TNNI3K: variants seen among roughly 807,000 people sequenced by gnomAD.
The protein encoded by TNNI3K is serine/threonine-protein kinase TNNI3K.
Under a neutral mutation model 114.5 loss-of-function variants are expected in TNNI3K, and 140 were observed. That is an observed-to-expected ratio of 1.22 (90% confidence interval 1.07 to 1.41). TNNI3K has a LOEUF of 1.41. Ranked by LOEUF, TNNI3K falls within the 40% of genes most tolerant of loss-of-function variation. The pLI is 0.00. For synonymous variants in TNNI3K, 347 were observed against 347.5 expected (o/e 1.00, Z 0.02); for missense variants, 1,125 against 1,007.6 (o/e 1.12, Z -1.58).
chr1:74,484,221 A>T (rs1668641989), intron 21 of TNNI3K, among the ~76,000 whole-genome samples: 2 of 151,600 alleles, frequency 1.3e-5, no homozygotes, highest in South Asian at 4.2e-4. Flanking sequence ...TTAAAAAAAA[A>T]AAAACAAGGA....
intron 5 of TNNI3K, among the ~76,000 whole-genome samples, chr1:74,299,918 AATAC>A (rs1169765437): frequency 6.6e-6 from 1 of 152,204 alleles, no homozygotes; most frequent in African/African-American, 2.4e-5. Flanking sequence ...CATATCAACA[AATAC>A]ATACTGTTAA....
chr1:74,345,216 T>C (rs1261775729), intron 9 of TNNI3K, among the ~76,000 whole-genome samples: 1 of 152,130 alleles, frequency 6.6e-6, no homozygotes, highest in African/African-American at 2.4e-5. Context: ...AATGATGATA[T>C]GATATATTGC....
At chr1:74,393,586 G>C (rs1663911148) in intron 17 of TNNI3K, among the ~76,000 whole-genome samples, 1 of 152,124 alleles carries the variant, frequency 6.6e-6, no homozygotes, top group Non-Finnish European at 1.5e-5. Flanking sequence ...CAAAAAATAA[G>C]GTGGATCAAG....
At position 74,277,797 on chromosome 1, in the gene TNNI3K, A is replaced by G. The variant is rs951417668; in HGVS notation, c.444+6089A>G. ...TGTGGAGTGGTTTTCTTATTACAGAAAAGTGTACTTTCATATACACCTTGT... is the reference window on the plus strand; with the variant it reads ...TGTGGAGTGGTTTTCTTATTACAGAGAAGTGTACTTTCATATACACCTTGT... On this transcript the variant is annotated intron_variant, in intron 5 of 24. Coordinates refer to ENST00000326637, the MANE Select transcript of TNNI3K (RefSeq NM_015978.3). 2.6e-5 allele frequency among the ~76,000 whole-genome samples: 4 copies of G among 152,190 alleles called. No individual in the cohort carries two copies. In the South Asian group the frequency reaches 8.3e-4, roughly 32 times the overall value.
At chr1:74,332,277 C>T (rs189431405) in intron 6 of TNNI3K, among the ~76,000 whole-genome samples, 2 of 151,800 alleles carry the variant, frequency 1.3e-5, no homozygotes, top group East Asian at 3.9e-4. Flanking sequence ...TTTCCACAAC[C>T]CTGAAATTGG....
At chr1:74,522,504 T>A (rs1489191696) in intron 23 of TNNI3K, among the ~76,000 whole-genome samples, 1 of 152,008 alleles carries the variant, frequency 6.6e-6, no homozygotes, top group Admixed American at 6.6e-5. Context: ...TGACTAATTC[T>A]CCCCACGCAG....
At position 74,369,380 on chromosome 1, in the gene TNNI3K, G is replaced by A; in HGVS notation, c.1473-11G>A. On this transcript the variant is annotated splice_polypyrimidine_tract_variant and intron_variant, in intron 15 of 24. Coordinates refer to ENST00000326637, the MANE Select transcript of TNNI3K (RefSeq NM_015978.3). ...TGTTTACTGAAGATTTTCTGTTGCTGCCATTTCCAGTTATCGAGCCAATAC... is the reference window on the plus strand; with the variant it reads ...TGTTTACTGAAGATTTTCTGTTGCTACCATTTCCAGTTATCGAGCCAATAC... The A allele has an allele frequency of 6.2e-7, 1 of 1,606,478 alleles. No individual in the cohort carries two copies. Among genetic ancestry groups the A allele is most frequent in the Non-Finnish European group, 8.5e-7 (1 of 1,176,336 alleles).
At chr1:74,473,739 G>C (rs113641585) in intron 21 of TNNI3K, among the ~76,000 whole-genome samples, 1 of 152,018 alleles carries the variant, frequency 6.6e-6, no homozygotes, top group Non-Finnish European at 1.5e-5. Context: ...CTGCTTGTTC[G>C]CTGTGTATTG....
chr1:74,291,238 C>T (rs1263854773), intron 5 of TNNI3K, among the ~76,000 whole-genome samples: 1 of 151,450 alleles, frequency 6.6e-6, no homozygotes, highest in Non-Finnish European at 1.5e-5. Flanking sequence ...GAATATGTAT[C>T]TCTGTATAAA....
intron 21 of TNNI3K, chr1:74,469,981 A>G (rs866105500): frequency 5.0e-6 from 2 of 400,578 alleles, no homozygotes; most frequent in African/African-American, 4.1e-5. Flanking sequence ...GCTAGGAACT[A>G]AAAACACCTC....
At chr1:74,378,622 A>G (rs1444072658) in intron 17 of TNNI3K, 1 of 78,922 alleles carries the variant, frequency 1.3e-5, no homozygotes, top group African/African-American at 5.3e-5. Context: ...ATATATATAT[A>G]TATATATATA....
chr1:74,277,888 A>C (rs1455378727), intron 5 of TNNI3K, among the ~76,000 whole-genome samples: 2 of 152,200 alleles, frequency 1.3e-5, no homozygotes, highest in Non-Finnish European at 2.9e-5. Flanking sequence ...TCAAATTGTA[A>C]ACACTTATTC....
At chr1:74,428,467 A>G (rs1404430465) in intron 17 of TNNI3K, among the ~76,000 whole-genome samples, 2 of 152,140 alleles carry the variant, frequency 1.3e-5, no homozygotes, top group Non-Finnish European at 2.9e-5. Context: ...TTAATGGGGA[A>G]GTCTACATTT....
At chr1:74,303,278 C>T (rs1035737220) in intron 5 of TNNI3K, among the ~76,000 whole-genome samples, 3 of 152,110 alleles carry the variant, frequency 2.0e-5, no homozygotes, top group Admixed American at 2.0e-4. Flanking sequence ...ACTGCAACCT[C>T]CACCCCCAGG....
At chr1:74,284,531 C>A (rs1307858045) in intron 5 of TNNI3K, among the ~76,000 whole-genome samples, 2 of 152,122 alleles carry the variant, frequency 1.3e-5, no homozygotes, top group East Asian at 1.9e-4. Flanking sequence ...AAAAAACCTG[C>A]AATTACTTTT....
chr1:74,317,295 A>G (rs972412099), intron 5 of TNNI3K, among the ~76,000 whole-genome samples: 3 of 152,214 alleles, frequency 2.0e-5, no homozygotes, highest in Admixed American at 2.0e-4. Flanking sequence ...TCAAGTAAAG[A>G]GAGGAAGAAA....
intron 5 of TNNI3K, among the ~76,000 whole-genome samples, chr1:74,279,148 A>G (rs1656856166): frequency 7.2e-5 from 11 of 152,120 alleles, no homozygotes; most frequent in Admixed American, 7.2e-4. Context: ...GAACACCCCC[A>G]TGAGAGAAAG....
At chr1:74,293,152 T>C (rs1642672548) in intron 5 of TNNI3K, among the ~76,000 whole-genome samples, 1 of 151,734 alleles carries the variant, frequency 6.6e-6, no homozygotes, top group African/African-American at 2.4e-5. Context: ...TTCTTTTGCC[T>C]GAAAGATTAA....
At chr1:74,352,891 G>T (rs1188049521) in intron 9 of TNNI3K, among the ~76,000 whole-genome samples, 1 of 152,168 alleles carries the variant, frequency 6.6e-6, no homozygotes, top group Non-Finnish European at 1.5e-5. Context: ...CTAGGAAAGG[G>T]AATTCCCTGA....
Sources: allele counts gnomAD v4.1 joint callset (sites outside exome capture counted in the v4.1 genomes callset), GRCh38; gene constraint gnomAD v4.1.1; transcripts MANE v1.5; gene names NCBI Gene and HGNC (gene_info 2026-07-23, HGNC 2026-07-21).